Variants in TMEM182 observed in about 807,000 individuals in gnomAD.
TMEM182 encodes the protein transmembrane protein 182.
In TMEM182, 20 loss-of-function variants were observed where a neutral mutation model predicts 26.8. That is an observed-to-expected ratio of 0.75 (90% CI 0.53 to 1.09). The LOEUF (loss-of-function observed/expected upper bound fraction) is 1.09, where lower values mean the gene tolerates loss of function less well. Among genes scored for constraint, TMEM182 ranks in the 50% least tolerant of loss-of-function variants. The pLI is 0.00. For synonymous variants in TMEM182, 109 were observed against 102.2 expected, an observed-to-expected ratio of 1.07 and a Z score of -0.40; for missense variants, 277 against 275.5, an observed-to-expected ratio of 1.01 and a Z score of -0.04.
chr2:102,828,333 T>C (rs1284630606), intron 3 of TMEM182, among the ~76,000 whole-genome samples: 1 of 152,116 alleles, frequency 6.6e-6, no homozygotes, highest in African/African-American at 2.4e-5. Flanking sequence ...TAAGGGAAAT[T>C]GGGCATGGAG....
At chr2:102,794,543 C>T (rs192053771) in intron 3 of TMEM182, among the ~76,000 whole-genome samples, 7 of 152,276 alleles carry the variant, frequency 4.6e-5, no homozygotes, top group African/African-American at 1.7e-4. Flanking sequence ...TTCACCCTAC[C>T]CTTCTTTCTA....
At chr2:102,829,945 C>A (rs1463684971) in intron 3 of TMEM182, among the ~76,000 whole-genome samples, 2 of 152,138 alleles carry the variant, frequency 1.3e-5, no homozygotes, top group African/African-American at 4.8e-5. Context: ...AGTTTTCCCA[C>A]AATAGGTTAC....
chr2:102,779,986 A>C (rs1324341532), intron 3 of TMEM182, among the ~76,000 whole-genome samples: 3 of 152,092 alleles, frequency 2.0e-5, no homozygotes, highest in Non-Finnish European at 2.9e-5. Context: ...CTGGGCAATA[A>C]GAGTGAAACT....
rs1553444493 is a variant in TMEM182, at chr2:102,816,515, A to ATAG, written c.*1549_*1550insGTA. The ATAG allele has an allele frequency of 1.1e-6, 1 of 937,114 alleles. No individual in the cohort carries two copies. Among genetic ancestry groups the ATAG allele is most frequent in the African/African-American group, 1.8e-5 (1 of 55,486 alleles). The allele number at this position is 937,114 out of a possible 1,614,324, so 58.0% of individuals were successfully genotyped here. On this transcript the variant is annotated 3_prime_UTR_variant, in exon 5 of 5. Transcript: ENST00000412401. ...ATTTTCATGACAGGACTTGCCAATA[A>ATAG]TAATAATAATAATAATAATAATAAT...
chr2:102,762,098 T>A lies in TMEM182; in HGVS notation c.-120T>A. On this transcript the variant is annotated 5_prime_UTR_variant, in exon 1 of 5. Coordinates refer to ENST00000412401, the MANE Select transcript of TMEM182 (RefSeq NM_144632.5). Reference sequence around the variant, plus strand: ...AGCTAGGACAGCCTTCTCAAGAAGATTCTGCCAACTCAAAAATATTATTCT... The same window carrying A: ...AGCTAGGACAGCCTTCTCAAGAAGAATCTGCCAACTCAAAAATATTATTCT... 1 of 885,772 alleles carries A rather than the reference T, an allele frequency of 1.1e-6. No individual in the cohort carries two copies. The highest frequency in any genetic ancestry group is 1.8e-5 in the South Asian group (1 of 55,412). 54.9% of individuals were successfully genotyped at this position (885,772 alleles called of 1,614,324 possible). A position where few individuals can be genotyped will look rare whatever the true frequency, so the allele number is the denominator to read the frequency against.
Position 102,816,807 on chromosome 2 carries a change from C to A in TMEM182, c.*1839C>A. On this transcript the variant is annotated 3_prime_UTR_variant, in exon 5 of 5. Coordinates refer to ENST00000412401, the MANE Select transcript of TMEM182 (RefSeq NM_144632.5). ...GTTCATGTCATCTGTAAATACAATT[C>A]TTTTTTGTAGTACTTTGGAATGGAG... 1 of 985,636 alleles carries A rather than the reference C, an allele frequency of 1.0e-6. No individual in the cohort carries two copies. The allele number at this position is 985,636 out of a possible 1,614,324, so 61.1% of individuals were successfully genotyped here. A position where few individuals can be genotyped will look rare whatever the true frequency, so the allele number is the denominator to read the frequency against.
intron 4 of TMEM182, among the ~76,000 whole-genome samples, chr2:102,799,809 C>T (rs779235261): frequency 3.9e-5 from 6 of 152,142 alleles, no homozygotes; most frequent in Non-Finnish European, 5.9e-5. Context: ...GTTCAGGTTT[C>T]GTGGCTGGCT....
At chr2:102,835,881 T>C (rs1462352405) in intron 3 of TMEM182, among the ~76,000 whole-genome samples, 2 of 130,632 alleles carry the variant, frequency 1.5e-5, no homozygotes, top group African/African-American at 5.7e-5. Context: ...CGGTGTGTGA[T>C]GTTCCCCTTC....
chr2:102,801,718 T>C (rs1309457924), intron 4 of TMEM182, among the ~76,000 whole-genome samples: 1 of 152,054 alleles, frequency 6.6e-6, no homozygotes, highest in Admixed American at 6.5e-5. Context: ...GGAAAATTTG[T>C]TTTTCTTCTC....
At chr2:102,840,670 T>G (rs928035685) in intron 3 of TMEM182, among the ~76,000 whole-genome samples, 3 of 152,154 alleles carry the variant, frequency 2.0e-5, no homozygotes, top group African/African-American at 7.2e-5. Flanking sequence ...TCCAGCTCCT[T>G]TCACAGAAAG....
Position 102,814,941 on chromosome 2 carries a change from T to G in TMEM182, c.663T>G (p.Val221=). Residue 221 remains valine (V), a synonymous_variant, in exon 5 of 5, where the codon GTT becomes GTG. Coordinates refer to ENST00000412401, the MANE Select transcript of TMEM182 (RefSeq NM_144632.5). The part of the protein sequence containing the change: ...SLLAGLLFLV[V]GWHIQIHH ...TAGCTGGATTACTATTTCTGGTTGT[T>G]GGATGGCATATTCAGATACATCACT... The G allele has an allele frequency of 2.5e-6, 4 of 1,614,042 alleles. No homozygotes were observed. Among genetic ancestry groups the G allele is most frequent in the Non-Finnish European group, 3.4e-6 (4 of 1,179,964 alleles).
chr2:102,814,909 T>C lies in TMEM182; in HGVS notation c.631T>C (p.Ser211Pro). ...FFLAPAGIFFSLLAGLLFLVV... is the reference protein window; with the variant it reads ...FFLAPAGIFFPLLAGLLFLVV... Reference sequence around the variant, plus strand: ...CCTGGCCCCAGCTGGGATATTTTTTTCTTTGCTAGCTGGATTACTATTTCT... The same window carrying C: ...CCTGGCCCCAGCTGGGATATTTTTTCCTTTGCTAGCTGGATTACTATTTCT... Residue 211 changes from serine to proline, a missense_variant, in exon 5 of 5, where the codon TCT (serine) becomes CCT (proline). Transcript: ENST00000412401. The C allele has an allele frequency of 6.2e-7, 1 of 1,614,030 alleles. No individual in the cohort carries two copies. Among genetic ancestry groups the C allele is most frequent in the South Asian group, 1.1e-5 (1 of 91,068 alleles).
intron 3 of TMEM182, among the ~76,000 whole-genome samples, chr2:102,829,691 T>C (rs1683115832): frequency 6.6e-6 from 1 of 152,134 alleles, no homozygotes; most frequent in Admixed American, 6.5e-5. Context: ...GTCCATCGGA[T>C]AGCAGAGGAC....
At chr2:102,821,894 A>G (rs1287810777), downstream of TMEM182, among the ~76,000 whole-genome samples, 2 of 151,766 alleles carry the variant, frequency 1.3e-5, no homozygotes, top group East Asian at 3.9e-4. Flanking sequence ...AGGCTGAGGA[A>G]GGAGAATGGC....
In TMEM182 at chr2:102,764,417, C is replaced by T; in HGVS notation, c.321C>T (p.Asp107=). 6.2e-7 allele frequency: 1 copy of T among 1,613,744 alleles called. No homozygotes were observed. The highest frequency in any genetic ancestry group is 2.2e-5 in the East Asian group (1 of 44,872). The change falls in exon 3 of 5, where the codon GAC becomes GAT. Residue 107 remains aspartate, a synonymous_variant. Coordinates refer to ENST00000412401, the MANE Select transcript of TMEM182 (RefSeq NM_144632.5). The part of the protein sequence containing the change: ...MRGEHNSTSY[D]SAVIYRGFWA... ...GCGAGCACAACTCGACCTCCTATGA[C>T]TCTGCAGTTAGTAAGTACCCTCTGT...
intron 1 of TMEM182, among the ~76,000 whole-genome samples, chr2:102,743,545 G>A (rs13421921): frequency 0.011 from 1,625 of 152,092 alleles, 32 homozygotes; most frequent in African/African-American, 0.037. Context: ...GGATAAGAGC[G>A]GAAGATTAAA....
Position 102,816,063 on chromosome 2 carries a change from C to T in TMEM182, c.*1095C>T, listed in dbSNP as rs544769466. ...ACAGATCGACTATTTCCTTTAACCT[C>T]CTAGAAGAAAGTTTTTGTGGGGAAA... On this transcript the variant is annotated 3_prime_UTR_variant, in exon 5 of 5. Transcript: ENST00000412401. 8.1e-6 allele frequency: 8 copies of T among 985,308 alleles called. 1 individual carries two copies. Among genetic ancestry groups the T allele is most frequent in the South Asian group, 9.4e-5 (2 of 21,274 alleles). 61.0% of individuals were successfully genotyped at this position (985,308 alleles called of 1,614,324 possible).
chr2:102,817,314 T>A lies in TMEM182; in HGVS notation c.*2346T>A. On this transcript the variant is annotated 3_prime_UTR_variant, in exon 5 of 5. Transcript: ENST00000412401. ...TAGAATCTTTTTGAAAAATGTTGAT[T>A]TTGCATCATAAAGTTTCAATTTATC... 1 of 985,434 alleles carries A rather than the reference T, an allele frequency of 1.0e-6. No individual in the cohort carries two copies. Among genetic ancestry groups the A allele is most frequent in the Non-Finnish European group, 1.2e-6 (1 of 829,912 alleles). The allele number at this position is 985,434 out of a possible 1,614,324, so 61.0% of individuals were successfully genotyped here.
At position 102,795,233 on chromosome 2, in the gene TMEM182, C is replaced by T. The variant is rs545129973; in HGVS notation, c.332-2630C>T. Among the ~76,000 whole-genome samples the T allele has an allele frequency of 8.5e-5, 13 of 152,244 alleles. No individual in the cohort carries two copies. In the South Asian group the frequency reaches 2.7e-3, roughly 32 times the overall value. On this transcript the variant is annotated intron_variant, in intron 3 of 4. Coordinates refer to ENST00000412401, the MANE Select transcript of TMEM182 (RefSeq NM_144632.5). The stretch of plus-strand genomic sequence containing the variant: ...ATGGTTCTAATAACTACTTTCAAGT[C>T]TGTCTGATAATTCATATATCTAAAT...
Sources: allele counts gnomAD v4.1 joint callset (sites outside exome capture counted in the v4.1 genomes callset), GRCh38; gene constraint gnomAD v4.1.1; transcripts MANE v1.5; gene names NCBI Gene and HGNC (gene_info 2026-07-23, HGNC 2026-07-21).